Variants in CIMAP3 observed in about 807,000 individuals in gnomAD.
CIMAP3 encodes ciliary microtubule associated protein 3, also known as ciliary microtubule-associated protein 3.
At chr1:111,352,040 G>T in the CIMAP3 span, 2 of 152,140 alleles carry the variant, frequency 1.3e-5, no homozygotes. Flanking sequence ...AGGGGATTGG[G>T]TCTGCCCTCC....
chr1:111,345,982 A>C, the CIMAP3 span, among the ~76,000 whole-genome samples: 3 of 152,008 alleles, frequency 2.0e-5, no homozygotes, highest in African/African-American at 7.3e-5. Flanking sequence ...AGATGAGAAA[A>C]CTGGGGCTTA....
the CIMAP3 span, chr1:111,350,153 G>T: frequency 6.2e-7 from 1 of 1,614,000 alleles, no homozygotes; most frequent in African/African-American, 1.3e-5. Context: ...AAAATTGCCT[G>T]GCCAATGAAA....
chr1:111,346,838 TTCC>T, the CIMAP3 span: 1 of 1,589,222 alleles, frequency 6.3e-7, no homozygotes, highest in Non-Finnish European at 8.6e-7. Flanking sequence ...CTCCCCGACC[TTCC>T]CCTCCCGGAA....
chr1:111,348,949 CAG>C, the CIMAP3 span: 2 of 235,280 alleles, frequency 8.5e-6, no homozygotes, highest in South Asian at 1.3e-4. Context: ...AGAGTCCAGA[CAG>C]AGCACAGGCA....
At chr1:111,350,020 C>A in the CIMAP3 span, 1 of 1,029,480 alleles carries the variant, frequency 9.7e-7, no homozygotes, top group Non-Finnish European at 1.5e-6. Flanking sequence ...AGAGGTTAGG[C>A]CTAGTCCAGG....
chr1:111,348,238 G>A, the CIMAP3 span: 1 of 265,850 alleles, frequency 3.8e-6, no homozygotes. Flanking sequence ...ATCTCTCAGT[G>A]AGGTGTTAAG....
chr1:111,350,326 C>T, the CIMAP3 span: 3 of 916,828 alleles, frequency 3.3e-6, no homozygotes, highest in African/African-American at 3.3e-5. Context: ...TTCAGGAAGT[C>T]CTTGGTCCCA....
chr1:111,351,639 T>C, the CIMAP3 span: 1 of 220,584 alleles, frequency 4.5e-6, no homozygotes, highest in African/African-American at 2.3e-5. Context: ...CAGGAGCCAA[T>C]TTTATATATT....
the CIMAP3 span, among the ~76,000 whole-genome samples, chr1:111,329,641 A>G: frequency 8.0e-3 from 1,188 of 147,624 alleles, 16 homozygotes; most frequent in African/African-American, 0.028. Flanking sequence ...TGCAACCTCC[A>G]CCTCCCAGGT....
chr1:111,348,659 C>T, the CIMAP3 span: 1 of 1,557,852 alleles, frequency 6.4e-7, no homozygotes, highest in Non-Finnish European at 8.6e-7. Context: ...ATGTCTCCTC[C>T]CTTTTGGTGC....
the CIMAP3 span, chr1:111,350,108 C>T: frequency 6.2e-7 from 1 of 1,611,286 alleles, no homozygotes; most frequent in Non-Finnish European, 8.5e-7. Flanking sequence ...ATTTCTAGCC[C>T]TGGTGCATAC....
the CIMAP3 span, chr1:111,324,840 C>CA: frequency 1.0e-6 from 1 of 985,316 alleles, no homozygotes; most frequent in Non-Finnish European, 1.2e-6. Flanking sequence ...TGAGAGGCAA[C>CA]AAAACCATAT....
chr1:111,333,437 T>TA, the CIMAP3 span, among the ~76,000 whole-genome samples: 1 of 152,148 alleles, frequency 6.6e-6, no homozygotes, highest in Non-Finnish European at 1.5e-5. Flanking sequence ...GCTTGGCTGA[T>TA]AGAGGGGTGA....
the CIMAP3 span, among the ~76,000 whole-genome samples, chr1:111,347,242 C>T: frequency 7.7e-3 from 1,176 of 152,290 alleles, 14 homozygotes; most frequent in African/African-American, 0.026. Context: ...TTGCTCCCCG[C>T]CTTGCACCTC....
chr1:111,333,016 A>T, the CIMAP3 span, among the ~76,000 whole-genome samples: 1 of 152,198 alleles, frequency 6.6e-6, no homozygotes, highest in African/African-American at 2.4e-5. Context: ...GTCTGCAGTG[A>T]GTAGGGCATC....
At chr1:111,346,742 G>C in the CIMAP3 span, 6 of 1,567,474 alleles carry the variant, frequency 3.8e-6, no homozygotes, top group Admixed American at 8.4e-5. Context: ...TGGGAAAGAC[G>C]AAGTGGGAGG....
chr1:111,350,395 C>T, the CIMAP3 span, among the ~76,000 whole-genome samples: 1 of 152,134 alleles, frequency 6.6e-6, no homozygotes, highest in Non-Finnish European at 1.5e-5. Flanking sequence ...TGGAGAATTA[C>T]ACTATTTCAT....
At chr1:111,350,030 G>A in the CIMAP3 span, 9 of 1,177,458 alleles carry the variant, frequency 7.6e-6, no homozygotes, top group African/African-American at 1.5e-5. Context: ...CCTAGTCCAG[G>A]GACGGCTCTG....
the CIMAP3 span, chr1:111,351,528 ACACGTG>A: frequency 7.4e-6 from 3 of 406,754 alleles, no homozygotes; most frequent in Admixed American, 4.1e-5. Flanking sequence ...CTTGTGGTGT[ACACGTG>A]CATGTCTGGG....
Sources: allele counts gnomAD v4.1 joint callset (sites outside exome capture counted in the v4.1 genomes callset), GRCh38; gene constraint gnomAD v4.1.1; transcripts MANE v1.5; gene names NCBI Gene and HGNC (gene_info 2026-07-23, HGNC 2026-07-21).